Variants in ATR observed in about 807,000 individuals in gnomAD.
ATR encodes the protein serine/threonine-protein kinase ATR.
In ATR, 142 loss-of-function variants were observed where a neutral mutation model predicts 305.3. The observed-to-expected ratio is 0.47, with a 90% CI of 0.41 to 0.53. ATR has a LOEUF of 0.53. ATR is among the 20% of genes least tolerant of loss of function. The probability of loss-of-function intolerance (pLI) is 0.00; values close to 1 mark genes in which losing one functional copy is unlikely to be tolerated. For synonymous variants in ATR, 1,050 were observed against 1,068.1 expected, an observed-to-expected ratio of 0.98 and a Z score of 0.33; for missense variants, 2,135 against 3,133.1, an observed-to-expected ratio of 0.68 and a Z score of 7.60.
At chr3:142,502,365 C>A (rs1188388957) in intron 30 of ATR, among the ~76,000 whole-genome samples, 1 of 146,164 alleles carries the variant, frequency 6.8e-6, no homozygotes, top group Non-Finnish European at 1.5e-5. Flanking sequence ...CACATATACA[C>A]AATGGAATAC....
Position 142,496,394 on chromosome 3 carries a change from C to T in ATR, c.5865G>A (p.Leu1955=). The part of the protein sequence containing the change: ...LNAGESRLAE[L]YVERAKWLWS... Reference sequence around the variant, plus strand: ...AGAGCCACTTTGCCCTTTCCACGTACAGTTCAGCGAGTCGTGATTCCCCTG... The same window carrying T: ...AGAGCCACTTTGCCCTTTCCACGTATAGTTCAGCGAGTCGTGATTCCCCTG... The change falls in exon 34 of 47, where the codon CTG becomes CTA. Residue 1955 remains leucine, a synonymous_variant. Coordinates refer to ENST00000350721, the MANE Select transcript of ATR (RefSeq NM_001184.4). The T allele has an allele frequency of 6.3e-7, 1 of 1,590,406 alleles. No individual in the cohort carries two copies.
chr3:142,568,486 T>G (rs977481441), intron 1 of ATR, among the ~76,000 whole-genome samples: 4 of 152,216 alleles, frequency 2.6e-5, no homozygotes, highest in Non-Finnish European at 5.9e-5. Context: ...GCAGCCCAGT[T>G]GGAGCGGTGA....
chr3:142,480,675 GC>G (rs1286812484), intron 36 of ATR, among the ~76,000 whole-genome samples: 1 of 152,204 alleles, frequency 6.6e-6, no homozygotes, highest in Admixed American at 6.5e-5. Flanking sequence ...GCTATGCCCT[GC>G]CCCCAGAGGT....
intron 46 of ATR, chr3:142,452,661 G>A (rs1405404233): frequency 2.8e-5 from 28 of 1,000,978 alleles, no homozygotes; most frequent in African/African-American, 3.5e-5. Flanking sequence ...ATGACAGAGC[G>A]AGACTCTGTC....
At chr3:142,477,541 G>C (rs1369864514) in intron 36 of ATR, among the ~76,000 whole-genome samples, 2 of 152,150 alleles carry the variant, frequency 1.3e-5, no homozygotes, top group Non-Finnish European at 2.9e-5. Context: ...AGGGATATTG[G>C]TTTAAAATTC....
Position 142,535,219 on chromosome 3 carries a change from A to G in ATR, c.3820-14T>C. 1 of 1,612,568 alleles carries G rather than the reference A, an allele frequency of 6.2e-7. No homozygotes were observed. Among genetic ancestry groups the G allele is most frequent in the Non-Finnish European group, 8.5e-7 (1 of 1,179,000 alleles). On this transcript the variant is annotated splice_polypyrimidine_tract_variant and intron_variant, in intron 20 of 46. Coordinates refer to ENST00000350721, the MANE Select transcript of ATR (RefSeq NM_001184.4). The stretch of plus-strand genomic sequence containing the variant: ...CTCAGAGGTCTCCTATATACAAAGC[A>G]CAGAGAGACAGAACTTATTAATCAA...
Position 142,560,260 on chromosome 3 carries a change from T to C in ATR, c.1541+3A>G, listed in dbSNP as rs2034826710. 1 of 1,613,344 alleles carries C rather than the reference T, an allele frequency of 6.2e-7. No individual in the cohort carries two copies. Among genetic ancestry groups the C allele is most frequent in the Non-Finnish European group, 8.5e-7 (1 of 1,179,390 alleles). On this transcript the variant is annotated splice_donor_region_variant and intron_variant, in intron 6 of 46. Coordinates refer to ENST00000350721, the MANE Select transcript of ATR (RefSeq NM_001184.4). ...ACCCCAAGAAACAAGAAGTTTGTTTTACCAGTTCATGTTTTGATGAGAACA... is the reference window on the plus strand; with the variant it reads ...ACCCCAAGAAACAAGAAGTTTGTTTCACCAGTTCATGTTTTGATGAGAACA...
At chr3:142,548,480 C>T (rs1302190654) in intron 15 of ATR, among the ~76,000 whole-genome samples, 2 of 152,064 alleles carry the variant, frequency 1.3e-5, no homozygotes, top group African/African-American at 2.4e-5. Flanking sequence ...ACCAGCCTGG[C>T]CAACATGGTG....
chr3:142,486,978 A>C (rs2030976952), intron 35 of ATR, among the ~76,000 whole-genome samples: 1 of 150,086 alleles, frequency 6.7e-6, no homozygotes, highest in Non-Finnish European at 1.5e-5. Flanking sequence ...AAAAAAAAAA[A>C]AAACAATTAG....
At chr3:142,517,760 G>A (rs1018024878) in intron 24 of ATR, among the ~76,000 whole-genome samples, 2 of 152,090 alleles carry the variant, frequency 1.3e-5, no homozygotes, top group African/African-American at 2.4e-5. Context: ...ATGACAAGTA[G>A]GCAGAAATGT....
chr3:142,464,869 T>C (rs531090694), intron 41 of ATR, among the ~76,000 whole-genome samples: 1 of 152,286 alleles, frequency 6.6e-6, no homozygotes, highest in African/African-American at 2.4e-5. Context: ...AATGTTAAGT[T>C]TTATGTATGT....
At chr3:142,500,700 G>A (rs4256152) in intron 30 of ATR, among the ~76,000 whole-genome samples, 65,091 of 151,996 alleles carry the variant, frequency 0.43, 13,989 homozygotes, top group African/African-American at 0.5. Flanking sequence ...ATAGAAGCTA[G>A]AGGATTCCAA....
intron 29 of ATR, among the ~76,000 whole-genome samples, chr3:142,504,922 C>T (rs370574104): frequency 1.3e-5 from 2 of 152,126 alleles, no homozygotes; most frequent in East Asian, 3.9e-4. Flanking sequence ...TGGCACACGC[C>T]TGTAATCCCA....
At chr3:142,543,450 C>G (rs1173473021) in intron 16 of ATR, among the ~76,000 whole-genome samples, 1 of 146,228 alleles carries the variant, frequency 6.8e-6, no homozygotes, top group African/African-American at 2.6e-5. Context: ...TTCTTCCTCC[C>G]TCCTTTCCTC....
intron 3 of ATR, 85 bp downstream of exon 3, chr3:142,566,036 C>T (rs951804618): frequency 1.5e-5 from 23 of 1,575,606 alleles, no homozygotes; most frequent in South Asian, 2.2e-5. Flanking sequence ...AAGTATAATC[C>T]TGTACATGTA....
chr3:142,551,133 C>A (rs1172523229), intron 13 of ATR, among the ~76,000 whole-genome samples: 1 of 152,118 alleles, frequency 6.6e-6, no homozygotes, highest in Admixed American at 6.6e-5. Flanking sequence ...TTTTTAAAAC[C>A]AGGCACAGTG....
At chr3:142,549,381 G>T in intron 15 of ATR, 98 bp downstream of exon 15, 1 of 778,712 alleles carries the variant, frequency 1.3e-6, no homozygotes, top group Non-Finnish European at 2.0e-6. Context: ...TCTAGGATAG[G>T]CTATAATTTA....
intron 11 of ATR, 42 bp downstream of exon 11, chr3:142,553,783 A>G: frequency 6.2e-7 from 1 of 1,609,706 alleles, no homozygotes; most frequent in Non-Finnish European, 8.5e-7. Context: ...TTTTAGAGCT[A>G]GGTTGACGTA....
At chr3:142,534,185 G>A (rs2033768754) in intron 21 of ATR, among the ~76,000 whole-genome samples, 1 of 152,076 alleles carries the variant, frequency 6.6e-6, no homozygotes. Context: ...GCAAGCACAG[G>A]GTAGTTTCAT....
Sources: gnomAD v4.1 joint callset for allele counts (sites outside exome capture counted in the v4.1 genomes callset) on GRCh38, gnomAD v4.1.1 for gene constraint, MANE v1.5 for transcripts, NCBI Gene and HGNC (gene_info 2026-07-23, HGNC 2026-07-21) for gene names.